NDST3: variants seen among roughly 807,000 people sequenced by gnomAD.
The protein encoded by NDST3 is bifunctional heparan sulfate N-deacetylase/N-sulfotransferase 3.
In NDST3, 58 loss-of-function variants were observed where a neutral mutation model predicts 96.1. The ratio of observed to expected loss-of-function variants is 0.60; its 90% CI spans 0.49 to 0.75. NDST3 has a LOEUF of 0.75. Among genes scored for constraint, NDST3 ranks in the 30% least tolerant of loss-of-function variants. NDST3 has a pLI of 0.00. For missense variants in NDST3, 788 were observed against 1,034.2 expected, an observed-to-expected ratio of 0.76 and a Z score of 3.27; for synonymous variants, 333 against 359.7, an observed-to-expected ratio of 0.93 and a Z score of 0.84.
intron 12 of NDST3, among the ~76,000 whole-genome samples, chr4:118,243,887 A>G (rs1179662591): frequency 1.3e-5 from 2 of 152,222 alleles, no homozygotes; most frequent in Admixed American, 1.3e-4. Flanking sequence ...GTGTAAACTT[A>G]AGAGAATATC....
At chr4:118,048,864 A>C (rs1204030401) in intron 1 of NDST3, among the ~76,000 whole-genome samples, 1 of 152,142 alleles carries the variant, frequency 6.6e-6, no homozygotes, top group Non-Finnish European at 1.5e-5. Flanking sequence ...TTGACACCTG[A>C]CCAACTAGAT....
chr4:118,040,751 T>G (rs1724397694), intron 1 of NDST3, among the ~76,000 whole-genome samples: 1 of 151,320 alleles, frequency 6.6e-6, no homozygotes, highest in Non-Finnish European at 1.5e-5. Flanking sequence ...GGTGTGATCA[T>G]GGCTCACTGC....
intron 4 of NDST3, among the ~76,000 whole-genome samples, chr4:118,115,975 C>A (rs1392010505): frequency 2.0e-5 from 3 of 152,086 alleles, no homozygotes; most frequent in African/African-American, 7.2e-5. Flanking sequence ...GTCAAGAAAG[C>A]AAGAATAGTG....
chr4:118,252,685 G>A (rs1405150383), intron 12 of NDST3, among the ~76,000 whole-genome samples: 1 of 152,204 alleles, frequency 6.6e-6, no homozygotes, highest in Non-Finnish European at 1.5e-5. Context: ...GAGGTCAGGA[G>A]TTTGAGACCA....
intron 6 of NDST3, among the ~76,000 whole-genome samples, chr4:118,171,412 T>C (rs967320484): frequency 3.3e-5 from 5 of 152,110 alleles, no homozygotes; most frequent in Non-Finnish European, 7.3e-5. Flanking sequence ...GCATATGATA[T>C]TGTATCATAT....
intron 4 of NDST3, among the ~76,000 whole-genome samples, chr4:118,122,838 C>A (rs1383669602): frequency 6.6e-6 from 1 of 152,136 alleles, no homozygotes; most frequent in Non-Finnish European, 1.5e-5. Context: ...TTCTCCCAAC[C>A]ACCTGTGAGG....
intron 3 of NDST3, among the ~76,000 whole-genome samples, chr4:118,107,235 C>T (rs1349804279): frequency 6.6e-6 from 1 of 151,974 alleles, no homozygotes; most frequent in Non-Finnish European, 1.5e-5. Context: ...TTCTGAATTT[C>T]CCTATTAAAT....
intron 2 of NDST3, chr4:118,055,769 G>A (rs1201439611): frequency 6.6e-6 from 1 of 151,678 alleles, no homozygotes; most frequent in Non-Finnish European, 1.5e-5. Context: ...CTACAGTTTT[G>A]ACCTTTTGGT....
intron 12 of NDST3, among the ~76,000 whole-genome samples, chr4:118,243,055 A>AT (rs1347253069): frequency 2.0e-5 from 3 of 151,888 alleles, no homozygotes; most frequent in Non-Finnish European, 4.4e-5. Context: ...ACTGAGTTGG[A>AT]TTGGGTCATG....
chr4:118,241,593 T>G (rs1741011166), intron 11 of NDST3, among the ~76,000 whole-genome samples: 1 of 152,238 alleles, frequency 6.6e-6, no homozygotes, highest in South Asian at 2.1e-4. Context: ...ATCGAAATAT[T>G]TCTTCAAACC....
At chr4:118,216,263 C>G (rs1374702095) in intron 6 of NDST3, among the ~76,000 whole-genome samples, 1 of 151,864 alleles carries the variant, frequency 6.6e-6, no homozygotes, top group Non-Finnish European at 1.5e-5. Flanking sequence ...TTGATTGATG[C>G]AGGAAAAAAA....
At chr4:118,068,166 C>CTTT (rs34891564) in intron 2 of NDST3, among the ~76,000 whole-genome samples, 1,847 of 83,982 alleles carry the variant, frequency 0.022, 7 homozygotes, top group Non-Finnish European at 0.03. Flanking sequence ...TACTTGATCT[C>CTTT]TTTTTTTTTT....
chr4:118,088,922 GAT>G (rs1240033457), intron 2 of NDST3, among the ~76,000 whole-genome samples: 1 of 151,798 alleles, frequency 6.6e-6, no homozygotes, highest in African/African-American at 2.4e-5. Context: ...GTCCCCTTAA[GAT>G]AGACAAAAGA....
chr4:118,059,872 C>T (rs1725754746), intron 2 of NDST3, among the ~76,000 whole-genome samples: 1 of 152,076 alleles, frequency 6.6e-6, no homozygotes, highest in African/African-American at 2.4e-5. Flanking sequence ...CTCCTAAACT[C>T]ATATTTCTTG....
rs913482013 is a variant in NDST3 at position 118,061,099 on chromosome 4, A to G, written c.981+6208A>G. Among the ~76,000 whole-genome samples the G allele has an allele frequency of 6.8e-4, 104 of 152,110 alleles. 1 individual carries two copies. The highest frequency in any genetic ancestry group is 2.5e-3 in the African/African-American group (103 of 41,502). Reference sequence around the variant, plus strand: ...CCCCTCTGCTCAAAACCCTCCAGCAACTTCCAGTGTCTTTATCTCTGCTAC... The same window carrying G: ...CCCCTCTGCTCAAAACCCTCCAGCAGCTTCCAGTGTCTTTATCTCTGCTAC... On this transcript the variant is annotated intron_variant, in intron 2 of 13. Transcript: ENST00000296499.
chr4:118,039,536 A>G (rs1052760161), intron 1 of NDST3, among the ~76,000 whole-genome samples: 39 of 152,238 alleles, frequency 2.6e-4, no homozygotes, highest in African/African-American at 8.9e-4. Context: ...GAAAAATTGC[A>G]TAACTAATTA....
chr4:118,047,585 A>G (rs1310815021), intron 1 of NDST3, among the ~76,000 whole-genome samples: 1 of 152,240 alleles, frequency 6.6e-6, no homozygotes, highest in African/African-American at 2.4e-5. Context: ...AAAATTCAGT[A>G]TAAGAATTTC....
At chr4:118,097,472 G>A (rs898144261) in intron 2 of NDST3, among the ~76,000 whole-genome samples, 2 of 151,784 alleles carry the variant, frequency 1.3e-5, no homozygotes, top group Non-Finnish European at 2.9e-5. Flanking sequence ...TGAAATCAAG[G>A]AATAGAACAG....
At chr4:118,087,255 C>T (rs1192909653) in intron 2 of NDST3, among the ~76,000 whole-genome samples, 2 of 152,062 alleles carry the variant, frequency 1.3e-5, no homozygotes, top group African/African-American at 4.8e-5. Flanking sequence ...TGTAAAAGGA[C>T]AATGTAACTT....
Sources: gnomAD v4.1 joint callset for allele counts (sites outside exome capture counted in the v4.1 genomes callset) on GRCh38, gnomAD v4.1.1 for gene constraint, MANE v1.5 for transcripts, NCBI Gene and HGNC (gene_info 2026-07-23, HGNC 2026-07-21) for gene names.